The following SEMA3E variants were observed in gnomAD, a reference collection of about 807,000 sequenced individuals.
The protein encoded by SEMA3E is semaphorin 3E, also known as semaphorin-3E.
A neutral mutation model predicts 93.6 loss-of-function variants in SEMA3E; 49 were observed. That is an observed-to-expected ratio of 0.52 (90% CI 0.42 to 0.66). The LOEUF is 0.66. Ranked by LOEUF, SEMA3E falls within the 30% of genes least tolerant of loss-of-function variation. The pLI, the probability that SEMA3E is intolerant of heterozygous loss-of-function variation, is 0.00. For missense variants in SEMA3E, 906 were observed against 964.8 expected (o/e 0.94, Z 0.81); for synonymous variants, 363 against 330.7 (o/e 1.10, Z -1.06).
chr7:83,458,830 T>C (rs1356113823), intron 4 of SEMA3E, among the ~76,000 whole-genome samples: 1 of 148,670 alleles, frequency 6.7e-6, no homozygotes, highest in Non-Finnish European at 1.5e-5. Context: ...AGAAGTCTAA[T>C]AAATATATAT....
intron 1 of SEMA3E, among the ~76,000 whole-genome samples, chr7:83,601,524 T>C (rs144361502): frequency 5.2e-4 from 79 of 152,276 alleles, no homozygotes; most frequent in Non-Finnish European, 9.7e-4. Flanking sequence ...GTGAATCTGA[T>C]ATATAAGCTA....
At chr7:83,479,482 A>T (rs886238526) in intron 2 of SEMA3E, among the ~76,000 whole-genome samples, 1 of 152,168 alleles carries the variant, frequency 6.6e-6, no homozygotes, top group East Asian at 1.9e-4. Flanking sequence ...GTTAAGTAAC[A>T]CCTAAAAATA....
intron 1 of SEMA3E, among the ~76,000 whole-genome samples, chr7:83,587,092 A>G (rs1792644625): frequency 6.6e-6 from 1 of 152,188 alleles, no homozygotes; most frequent in Non-Finnish European, 1.5e-5. Context: ...AGTTTACCAA[A>G]GAGAAACTTA....
At chr7:83,631,190 GT>G (rs1355732153) in intron 1 of SEMA3E, among the ~76,000 whole-genome samples, 1 of 151,880 alleles carries the variant, frequency 6.6e-6, no homozygotes, top group African/African-American at 2.4e-5. Flanking sequence ...AGACGGTTTT[GT>G]TTCTTCATAT....
At position 83,367,957 on chromosome 7, in the gene SEMA3E, A is replaced by C. The variant is rs1363175809; in HGVS notation, c.1957T>G (p.Phe653Val). The stretch of plus-strand genomic sequence containing the variant: ...AAGCTATGCTCTACTGTCTGGCAAA[A>C]ATAGGTCCCAGCATCTGATTTGTGT... ...RLHKSDAGTY[F>V]CQTVEHSFVH... is the part of the protein sequence containing the mutation. Residue 653 changes from phenylalanine (F) to valine (V), a missense_variant, in exon 17 of 17, where the codon TTT (phenylalanine) becomes GTT (valine). Phe to Val is a conservative substitution (Grantham distance 50). Transcript: ENST00000643230. The C allele has an allele frequency of 5.6e-6, 9 of 1,613,596 alleles. No individual in the cohort carries two copies. Among genetic ancestry groups the C allele is most frequent in the Non-Finnish European group, 7.6e-6 (9 of 1,179,790 alleles).
At chr7:83,394,245 T>G in intron 13 of SEMA3E, 52 bp downstream of exon 13, 1 of 1,546,992 alleles carries the variant, frequency 6.5e-7, no homozygotes, top group Non-Finnish European at 8.8e-7. Context: ...GACCTTACCT[T>G]AGCTCACATA....
chr7:83,617,138 T>C (rs925472430), intron 1 of SEMA3E, among the ~76,000 whole-genome samples: 28 of 152,184 alleles, frequency 1.8e-4, no homozygotes, highest in African/African-American at 5.8e-4. Context: ...GAAAAATGTA[T>C]TTTGGAATAA....
At chr7:83,639,471 G>A (rs1199241513) in intron 1 of SEMA3E, among the ~76,000 whole-genome samples, 1 of 151,768 alleles carries the variant, frequency 6.6e-6, no homozygotes, top group East Asian at 1.9e-4. Flanking sequence ...CAATTCAGTA[G>A]ATACCAAAGC....
chr7:83,610,932 A>G (rs774535412), intron 1 of SEMA3E, among the ~76,000 whole-genome samples: 3 of 152,016 alleles, frequency 2.0e-5, no homozygotes, highest in Non-Finnish European at 4.4e-5. Context: ...AAACTGATAA[A>G]CACCTTCTCT....
At chr7:83,512,209 A>G (rs993434541) in intron 1 of SEMA3E, among the ~76,000 whole-genome samples, 3 of 152,184 alleles carry the variant, frequency 2.0e-5, no homozygotes, top group African/African-American at 7.2e-5. Context: ...CTTTGTCTAG[A>G]AAGTGTGCTT....
chr7:83,635,895 A>AAT (rs1562864645), intron 1 of SEMA3E, among the ~76,000 whole-genome samples: 1 of 151,098 alleles, frequency 6.6e-6, no homozygotes, highest in African/African-American at 2.4e-5. Context: ...AAAAAAAAAA[A>AAT]TCTTGCTTTG....
At chr7:83,458,818 C>G (rs1789546939) in intron 4 of SEMA3E, among the ~76,000 whole-genome samples, 1 of 148,892 alleles carries the variant, frequency 6.7e-6, no homozygotes, top group African/African-American at 2.5e-5. Flanking sequence ...AGATCAATGC[C>G]TAGAAGTCTA....
rs576343324 is a variant in SEMA3E at position 83,459,293 on chromosome 7, GAAAAC to G, written c.456+7184_456+7188del. ...AAAGCAGTTTGAGATACTGAAAGGAGAAAACAAAACAAAACCACAAAGCAACTATT... is the reference window on the plus strand; with the variant it reads ...AAAGCAGTTTGAGATACTGAAAGGAGAAAACAAAACCACAAAGCAACTATT... On this transcript the variant is annotated intron_variant, in intron 4 of 16. Transcript: ENST00000643230. Among the ~76,000 whole-genome samples, 331 of 152,112 alleles carry G rather than the reference GAAAAC, an allele frequency of 2.2e-3. 3 individuals are homozygous for G. The Middle Eastern group carries it at 0.034, about 16-fold the overall frequency.
chr7:83,431,228 GATAA>G (rs3042554), intron 4 of SEMA3E, among the ~76,000 whole-genome samples: 94,894 of 151,098 alleles, frequency 0.63, 32,584 homozygotes, highest in East Asian at 1. Context: ...ATATTTGGTA[GATAA>G]ATAATTTCAA....
chr7:83,470,775 T>C (rs890843658), intron 2 of SEMA3E, among the ~76,000 whole-genome samples: 5 of 152,150 alleles, frequency 3.3e-5, no homozygotes, highest in Non-Finnish European at 2.9e-5. Flanking sequence ...AACTGGGTTT[T>C]TGAGTTCCCT....
intron 16 of SEMA3E, among the ~76,000 whole-genome samples, chr7:83,382,571 T>C (rs902527010): frequency 6.6e-6 from 1 of 151,928 alleles, no homozygotes; most frequent in Non-Finnish European, 1.5e-5. Flanking sequence ...ATCAATTCTG[T>C]TTATGAGTCT....
In SEMA3E at chr7:83,389,084, T is replaced by A. The variant is rs555175772; in HGVS notation, c.1668-2034A>T. On this transcript the variant is annotated intron_variant, in intron 14 of 16. Transcript: ENST00000643230. ...ACCTGAGATTTTACAAAGTTAATATTAGATCTGCCACATGTATCATTCTAC... is the reference window on the plus strand; with the variant it reads ...ACCTGAGATTTTACAAAGTTAATATAAGATCTGCCACATGTATCATTCTAC... Among the ~76,000 whole-genome samples, 328 of 152,086 alleles carry A rather than the reference T, an allele frequency of 2.2e-3. 1 individual carries two copies. The highest frequency in any genetic ancestry group is 7.3e-3 in the African/African-American group (304 of 41,496).
intron 16 of SEMA3E, among the ~76,000 whole-genome samples, chr7:83,375,543 T>G (rs894072789): frequency 6.6e-6 from 1 of 152,098 alleles, no homozygotes; most frequent in Non-Finnish European, 1.5e-5. Context: ...ACGCATATTT[T>G]TATGATCTGG....
At chr7:83,625,515 A>C (rs1584372864) in intron 1 of SEMA3E, among the ~76,000 whole-genome samples, 1 of 151,576 alleles carries the variant, frequency 6.6e-6, no homozygotes, top group South Asian at 2.1e-4. Context: ...TCTGTCTAGT[A>C]CTGGTGTATA....
Sources: gnomAD v4.1 joint callset for allele counts (sites outside exome capture counted in the v4.1 genomes callset) on GRCh38, gnomAD v4.1.1 for gene constraint, MANE v1.5 for transcripts, NCBI Gene and HGNC (gene_info 2026-07-23, HGNC 2026-07-21) for gene names.